Variants in OSBPL2 observed in about 807,000 individuals in gnomAD.
OSBPL2 encodes oxysterol binding protein like 2, also known as oxysterol-binding protein-related protein 2.
Under a neutral mutation model 58.4 loss-of-function variants are expected in OSBPL2, and 18 were observed. The ratio of observed to expected loss-of-function variants is 0.31; its 90% CI spans 0.21 to 0.46. The LOEUF (loss-of-function observed/expected upper bound fraction) is 0.46, where lower values mean the gene tolerates loss of function less well. OSBPL2 is among the 20% of genes least tolerant of loss of function. The pLI is 1.00. For synonymous variants in OSBPL2, 221 were observed against 234.1 expected (o/e 0.94, Z 0.51); for missense variants, 461 against 616.5 (o/e 0.75, Z 2.67).
chr20:62,244,863 C>T (rs1979995546), intron 1 of OSBPL2, among the ~76,000 whole-genome samples: 1 of 152,218 alleles, frequency 6.6e-6, no homozygotes, highest in Non-Finnish European at 1.5e-5. Flanking sequence ...TCAAGGTCAC[C>T]CTCTTGGCAT....
At chr20:62,246,372 G>A (rs1257002491) in intron 1 of OSBPL2, among the ~76,000 whole-genome samples, 1 of 152,270 alleles carries the variant, frequency 6.6e-6, no homozygotes, top group African/African-American at 2.4e-5. Flanking sequence ...CTGGACAGAT[G>A]ACATTTCCAG....
At chr20:62,277,384 C>T (rs1290926137) in intron 6 of OSBPL2, among the ~76,000 whole-genome samples, 2 of 152,274 alleles carry the variant, frequency 1.3e-5, no homozygotes, top group Non-Finnish European at 2.9e-5. Flanking sequence ...AGCACCCTTC[C>T]CCAGGGGCTG....
chr20:62,246,035 T>G lies in OSBPL2; in HGVS notation c.-129+7438T>G, dbSNP rs968085802. Among the ~76,000 whole-genome samples the G allele has an allele frequency of 3.9e-5, 6 of 152,218 alleles. No individual in the cohort carries two copies. In the South Asian group the frequency reaches 6.2e-4, roughly 16 times the overall value. Reference sequence around the variant, plus strand: ...CCCTCCATCGTTGTGGGGTTGGTGTTTGAGAGGTAGCTGTGGCGCGGGGCC... The same window carrying G: ...CCCTCCATCGTTGTGGGGTTGGTGTGTGAGAGGTAGCTGTGGCGCGGGGCC... On this transcript the variant is annotated intron_variant, in intron 1 of 13. Transcript: ENST00000313733.
Position 62,272,226 on chromosome 20 carries a change from C to G in OSBPL2, c.360C>G (p.Ala120=). The G allele has an allele frequency of 1.2e-6, 2 of 1,613,672 alleles. No homozygotes were observed. Among genetic ancestry groups the G allele is most frequent in the Non-Finnish European group, 1.7e-6 (2 of 1,179,906 alleles). Residue 120 remains alanine, a synonymous_variant, in exon 5 of 14, where the codon GCC becomes GCG. Coordinates refer to ENST00000313733, the MANE Select transcript of OSBPL2 (RefSeq NM_144498.4). Reference sequence around the variant, plus strand: ...AGCACGTGTACCTCATCCACAGGGCCTCCTGCCAGCCCCAGCCCCTGGAGA... The same window carrying G: ...AGCACGTGTACCTCATCCACAGGGCGTCCTGCCAGCCCCAGCCCCTGGAGA... ...YMEHVYLIHR[A]SCQPQPLERM...
chr20:62,293,518 A>T (rs1026274582), intron 13 of OSBPL2, among the ~76,000 whole-genome samples: 2 of 152,262 alleles, frequency 1.3e-5, no homozygotes, highest in African/African-American at 4.8e-5. Context: ...ATAAGGGCCC[A>T]GTGTGAGGAT....
At chr20:62,253,477 T>C (rs1980706413) in intron 1 of OSBPL2, among the ~76,000 whole-genome samples, 1 of 152,212 alleles carries the variant, frequency 6.6e-6, no homozygotes, top group Non-Finnish European at 1.5e-5. Flanking sequence ...CTTCTGTAGG[T>C]TCATCCTGAG....
Position 62,256,321 on chromosome 20 carries a change from A to G in OSBPL2, c.37+100A>G, listed in dbSNP as rs1208693070. On this transcript the variant is annotated intron_variant, in intron 2 of 13. Coordinates refer to ENST00000313733, the MANE Select transcript of OSBPL2 (RefSeq NM_144498.4). The stretch of plus-strand genomic sequence containing the variant: ...TTTGGGGTGTAAAGATGCTCAGTAA[A>G]GCAGTGTGTGGGTGAGCGTTCACGA... The G allele has an allele frequency of 2.8e-6, 3 of 1,071,506 alleles. No homozygotes were observed. In the African/African-American group the frequency reaches 4.7e-5, roughly 17 times the overall value. 66.4% of individuals were successfully genotyped at this position (1,071,506 alleles called of 1,614,324 possible).
At position 62,281,571 on chromosome 20, in the gene OSBPL2, G is replaced by A. The variant is rs1982786877; in HGVS notation, c.783-219G>A. 5.5e-6 allele frequency: 3 copies of A among 542,332 alleles called. No homozygotes were observed. The African/African-American group carries it at 5.7e-5, about 10-fold the overall frequency. 33.6% of individuals were successfully genotyped at this position (542,332 alleles called of 1,614,324 possible). ...ATGCATCATAAGACTCGCCCATTCT[G>A]AATGGACACTTAAGTGATTTTTAGT... On this transcript the variant is annotated intron_variant, in intron 8 of 13. Transcript: ENST00000313733.
In OSBPL2 at chr20:62,246,677, T is replaced by C. The variant is rs531301576; in HGVS notation, c.-129+8080T>C. Among the ~76,000 whole-genome samples the C allele has an allele frequency of 1.2e-4, 19 of 152,274 alleles. No individual in the cohort carries two copies. In the South Asian group the frequency reaches 3.9e-3, roughly 32 times the overall value. ...CACTCCTGCCCCAGGGCTTAGAAGG[T>C]GCTGGGTGAAGAGAGCTGCGCCCCT... On this transcript the variant is annotated intron_variant, in intron 1 of 13. Transcript: ENST00000313733.
rs1983689209 is a variant in OSBPL2, at chr20:62,293,863, C to T, written c.1419C>T (p.Phe473=). ...CAGGGGATTACTTTGAGCGGAATTTCTCCGACTGCCCAGATATCTACTGAG... is the reference window on the plus strand; with the variant it reads ...CAGGGGATTACTTTGAGCGGAATTTTTCCGACTGCCCAGATATCTACTGAG... ...LYAGDYFERN[F]SDCPDIY is the part of the protein sequence containing the mutation. Residue 473 remains phenylalanine (F), a synonymous_variant, in exon 14 of 14, where the codon TTC becomes TTT. Transcript: ENST00000313733. The T allele has an allele frequency of 1.2e-6, 2 of 1,614,062 alleles. No homozygotes were observed. Among genetic ancestry groups the T allele is most frequent in the East Asian group, 4.5e-5 (2 of 44,880 alleles).
intron 9 of OSBPL2, among the ~76,000 whole-genome samples, 171 bp from the exon 10 acceptor site, chr20:62,283,875 G>C (rs573077860): frequency 1.3e-5 from 2 of 152,160 alleles, no homozygotes; most frequent in South Asian, 4.2e-4. Context: ...TGTGTATCGG[G>C]GCTACGAATG....
intron 7 of OSBPL2, among the ~76,000 whole-genome samples, chr20:62,280,680 G>A (rs1043112526): frequency 6.6e-6 from 1 of 152,206 alleles, no homozygotes; most frequent in Non-Finnish European, 1.5e-5. Context: ...CCCCTCCACA[G>A]CCATGTGCCA....
chr20:62,261,796 C>T (rs1413625323), intron 3 of OSBPL2, among the ~76,000 whole-genome samples: 2 of 152,184 alleles, frequency 1.3e-5, no homozygotes, highest in Non-Finnish European at 2.9e-5. Context: ...GACGGAGTCT[C>T]ACTCTGTCGC....
chr20:62,240,914 G>T (rs1979683942), intron 1 of OSBPL2, among the ~76,000 whole-genome samples: 1 of 152,296 alleles, frequency 6.6e-6, no homozygotes, highest in African/African-American at 2.4e-5. Flanking sequence ...GGACTGAGGG[G>T]CATGGGTGCT....
intron 1 of OSBPL2, among the ~76,000 whole-genome samples, chr20:62,250,068 C>T (rs1048286765): frequency 3.3e-5 from 5 of 152,226 alleles, no homozygotes; most frequent in Non-Finnish European, 7.3e-5. Context: ...TAGGAACTTG[C>T]CCAAGAAGGG....
At chr20:62,270,153 G>A (rs76342360) in intron 4 of OSBPL2, among the ~76,000 whole-genome samples, 45 of 152,354 alleles carry the variant, frequency 3.0e-4, no homozygotes, top group African/African-American at 1.1e-3. Flanking sequence ...TGCAGTGCCT[G>A]TGGTGTCCTG....
intron 1 of OSBPL2, among the ~76,000 whole-genome samples, chr20:62,243,439 C>CCCTGCCCCGCAGCG (rs1289444077): frequency 5.8e-4 from 83 of 142,468 alleles, no homozygotes; most frequent in African/African-American, 1.7e-3. Flanking sequence ...GCCCCGCAGC[C>CCCTGCCCCGCAGCG]CCTGCCCCGC....
At chr20:62,257,715 A>ATTT (rs536036293) in intron 2 of OSBPL2, among the ~76,000 whole-genome samples, 2 of 129,236 alleles carry the variant, frequency 1.5e-5, no homozygotes, top group Non-Finnish European at 3.4e-5. Flanking sequence ...ACCTCTGGCC[A>ATTT]TTTTTTTTTT....
At chr20:62,291,490 C>G in intron 12 of OSBPL2, 2 of 596,456 alleles carry the variant, frequency 3.4e-6, no homozygotes, top group East Asian at 3.0e-5. Flanking sequence ...CCCCCATGCT[C>G]TACTCAGCTC....
Sources: allele counts gnomAD v4.1 joint callset (sites outside exome capture counted in the v4.1 genomes callset), GRCh38; gene constraint gnomAD v4.1.1; transcripts MANE v1.5; gene names NCBI Gene and HGNC (gene_info 2026-07-23, HGNC 2026-07-21).